Variants in MTURN observed in about 807,000 individuals in gnomAD.
The protein encoded by MTURN is maturin.
MTURN carries 7 observed loss-of-function variants against 14.9 expected under a neutral mutation model. That is an observed-to-expected ratio of 0.47 (90% confidence interval 0.27 to 0.88). MTURN has a LOEUF of 0.88. Among genes scored for constraint, MTURN ranks in the 40% least tolerant of loss-of-function variants. MTURN has a pLI of 0.14. For synonymous variants in MTURN, 69 were observed against 72.5 expected (o/e 0.95, Z 0.25); for missense variants, 151 against 174.1 (o/e 0.87, Z 0.75).
intron 1 of MTURN, among the ~76,000 whole-genome samples, chr7:30,139,704 AG>A (rs1410921449): frequency 1.3e-5 from 2 of 152,160 alleles, no homozygotes; most frequent in African/African-American, 4.8e-5. Context: ...CAGTAGTTCC[AG>A]GGGCCCATGT....
chr7:30,152,613 G>A (rs1797229176), intron 2 of MTURN, among the ~76,000 whole-genome samples: 1 of 152,178 alleles, frequency 6.6e-6, no homozygotes, highest in African/African-American at 2.4e-5. Flanking sequence ...TGAAGCCACA[G>A]GGCACTTGCT....
chr7:30,161,319 T>C lies in MTURN; in HGVS notation c.*3771T>C, dbSNP rs1230046850. 2 of 152,208 alleles carry C rather than the reference T, an allele frequency of 1.3e-5. No homozygotes were observed. Among genetic ancestry groups the C allele is most frequent in the Non-Finnish European group, 1.5e-5 (1 of 68,062 alleles). The allele number at this position is 152,208 out of a possible 1,614,324, so 9.4% of individuals were successfully genotyped here. The stretch of plus-strand genomic sequence containing the variant: ...CTGAGCCCCAGGAAAACTGTTTTCA[T>C]TTTCACGGCTGTCTCACTGGGGGCC... On this transcript the variant is annotated 3_prime_UTR_variant, in exon 3 of 3. Coordinates refer to ENST00000324453, the MANE Select transcript of MTURN (RefSeq NM_152793.3).
chr7:30,146,067 T>C (rs762079258), intron 1 of MTURN, 110 bp from the exon 2 acceptor site: 198 of 1,597,612 alleles, frequency 1.2e-4, no homozygotes, highest in Non-Finnish European at 1.6e-4. Flanking sequence ...AATGGAGGCC[T>C]TCTTCAAATT....
At position 30,158,602 on chromosome 7, in the gene MTURN, G is replaced by A. The variant is rs540951872; in HGVS notation, c.*1054G>A. ...GACTTAATTGTGGTGTATTTGTAAAGGGACACGAAGGTAGGAATCTTTTAA... is the reference window on the plus strand; with the variant it reads ...GACTTAATTGTGGTGTATTTGTAAAAGGACACGAAGGTAGGAATCTTTTAA... On this transcript the variant is annotated 3_prime_UTR_variant, in exon 3 of 3. Coordinates refer to ENST00000324453, the MANE Select transcript of MTURN (RefSeq NM_152793.3). 2 of 152,246 alleles carry A rather than the reference G, an allele frequency of 1.3e-5. No homozygotes were observed. Among genetic ancestry groups the A allele is most frequent in the African/African-American group, 4.8e-5 (2 of 41,536 alleles). 9.4% of individuals were successfully genotyped at this position (152,246 alleles called of 1,614,324 possible).
At position 30,145,521 on chromosome 7, in the gene MTURN, A is replaced by G. The variant is rs548425009; in HGVS notation, c.163-656A>G. Reference sequence around the variant, plus strand: ...AAAGAAAAAGAAAAAGAAACAAAAAATCTAAAACCGATCTCCTCTTAGTAT... The same window carrying G: ...AAAGAAAAAGAAAAAGAAACAAAAAGTCTAAAACCGATCTCCTCTTAGTAT... On this transcript the variant is annotated intron_variant, in intron 1 of 2. Transcript: ENST00000324453. 3.3e-5 allele frequency among the ~76,000 whole-genome samples: 5 copies of G among 152,248 alleles called. No individual in the cohort carries two copies. In the East Asian group the frequency reaches 9.7e-4, roughly 29 times the overall value.
chr7:30,140,496 T>C (rs1036085483), intron 1 of MTURN, among the ~76,000 whole-genome samples: 6 of 151,026 alleles, frequency 4.0e-5, no homozygotes, highest in African/African-American at 1.5e-4. Context: ...ATAAAGAAAA[T>C]AGAACTTATT....
At position 30,161,569 on chromosome 7, in the gene MTURN, A is replaced by T. The variant is rs1294848403; in HGVS notation, c.*4021A>T. ...CAGGCACCCGGCAGGTAAATCACAA[A>T]GCAAACTTGGGTGTCCTTGGCAGCG... On this transcript the variant is annotated 3_prime_UTR_variant, in exon 3 of 3. Transcript: ENST00000324453. 1 of 152,224 alleles carries T rather than the reference A, an allele frequency of 6.6e-6. No individual in the cohort carries two copies. Among genetic ancestry groups the T allele is most frequent in the East Asian group, 1.9e-4 (1 of 5,196 alleles). The allele number at this position is 152,224 out of a possible 1,614,324, so 9.4% of individuals were successfully genotyped here.
At chr7:30,151,908 T>G (rs753467593) in intron 2 of MTURN, among the ~76,000 whole-genome samples, 4 of 152,186 alleles carry the variant, frequency 2.6e-5, no homozygotes, top group Non-Finnish European at 4.4e-5. Context: ...ATTGATATTT[T>G]CAGTTTGCCA....
At position 30,157,610 on chromosome 7, in the gene MTURN, C is replaced by T; in HGVS notation, c.*62C>T. The T allele has an allele frequency of 1.6e-6, 2 of 1,287,250 alleles. No homozygotes were observed. Among genetic ancestry groups the T allele is most frequent in the Non-Finnish European group, 2.1e-6 (2 of 939,734 alleles). 79.7% of individuals were successfully genotyped at this position (1,287,250 alleles called of 1,614,324 possible). On this transcript the variant is annotated 3_prime_UTR_variant, in exon 3 of 3. Coordinates refer to ENST00000324453, the MANE Select transcript of MTURN (RefSeq NM_152793.3). ...CAGTAACCTAGGTGGGGTCACTGCC[C>T]CTCCTGGGTTAGCATTTTGCATTAG...
At chr7:30,138,838 G>A (rs1797006153) in intron 1 of MTURN, among the ~76,000 whole-genome samples, 2 of 152,124 alleles carry the variant, frequency 1.3e-5, no homozygotes, top group African/African-American at 4.8e-5. Flanking sequence ...GTCCTCAGAT[G>A]TGCCAAGCGC....
intron 1 of MTURN, among the ~76,000 whole-genome samples, chr7:30,143,074 T>C (rs957104758): frequency 6.6e-6 from 1 of 152,162 alleles, no homozygotes; most frequent in African/African-American, 2.4e-5. Flanking sequence ...TGCCCATAGA[T>C]GGTCTCTCCA....
At chr7:30,139,429 T>C (rs1797014778) in intron 1 of MTURN, among the ~76,000 whole-genome samples, 1 of 152,192 alleles carries the variant, frequency 6.6e-6, no homozygotes, top group Admixed American at 6.5e-5. Flanking sequence ...ACTTCAACTA[T>C]AGCCCTGTAT....
intron 1 of MTURN, among the ~76,000 whole-genome samples, chr7:30,139,486 C>T (rs1481876145): frequency 6.6e-6 from 1 of 152,164 alleles, no homozygotes; most frequent in Non-Finnish European, 1.5e-5. Flanking sequence ...CCAATCTAGA[C>T]TGGGTTCAGG....
intron 2 of MTURN, among the ~76,000 whole-genome samples, chr7:30,149,085 C>G (rs1013945951): frequency 3.3e-5 from 5 of 152,176 alleles, no homozygotes; most frequent in African/African-American, 1.2e-4. Flanking sequence ...CCGGGAGTCA[C>G]TGTGCTGTTT....
In MTURN at chr7:30,162,694, C is replaced by T. The variant is rs577934682; in HGVS notation, c.*5146C>T. Reference sequence around the variant, plus strand: ...TCCACCTCTGCTCCCTCCTCCCTCCCCTGAGAGTGAGGACCTCATCCGACC... The same window carrying T: ...TCCACCTCTGCTCCCTCCTCCCTCCTCTGAGAGTGAGGACCTCATCCGACC... On this transcript the variant is annotated 3_prime_UTR_variant, in exon 3 of 3. Transcript: ENST00000324453. 2.0e-5 allele frequency: 3 copies of T among 152,726 alleles called. No homozygotes were observed. In the South Asian group the frequency reaches 6.2e-4, roughly 32 times the overall value. The allele number at this position is 152,726 out of a possible 1,614,324, so 9.5% of individuals were successfully genotyped here. A position where few individuals can be genotyped will look rare whatever the true frequency, so the allele number is the denominator to read the frequency against.
chr7:30,135,603 G>A (rs1199133904), intron 1 of MTURN, among the ~76,000 whole-genome samples: 6 of 152,144 alleles, frequency 3.9e-5, no homozygotes, highest in Admixed American at 2.0e-4. Context: ...GCGCCGTTTC[G>A]GGAACCCGAC....
chr7:30,138,219 G>C (rs1796995864), intron 1 of MTURN, among the ~76,000 whole-genome samples: 1 of 152,088 alleles, frequency 6.6e-6, no homozygotes, highest in East Asian at 1.9e-4. Flanking sequence ...GGGTTCAAGT[G>C]ATTCTTGTGC....
Position 30,159,783 on chromosome 7 carries a change from T to TCCCTTCTCGTGCTCACACAC in MTURN, c.*2236_*2255dup. 6.5e-6 allele frequency: 1 copy of TCCCTTCTCGTGCTCACACAC among 152,734 alleles called. No individual in the cohort carries two copies. Among genetic ancestry groups the TCCCTTCTCGTGCTCACACAC allele is most frequent in the Non-Finnish European group, 1.5e-5 (1 of 68,038 alleles). The allele number at this position is 152,734 out of a possible 1,614,324, so 9.5% of individuals were successfully genotyped here. A position where few individuals can be genotyped will look rare whatever the true frequency, so the allele number is the denominator to read the frequency against. The stretch of plus-strand genomic sequence containing the variant: ...CTTCCTTTTTCTGAATGTGTGCACA[T>TCCCTTCTCGTGCTCACACAC]CCCTTCTCGTGCTCACACACTTGCC... On this transcript the variant is annotated 3_prime_UTR_variant, in exon 3 of 3. Transcript: ENST00000324453.
At chr7:30,147,598 G>A (rs1463593553) in intron 2 of MTURN, among the ~76,000 whole-genome samples, 1 of 151,376 alleles carries the variant, frequency 6.6e-6, no homozygotes, top group Non-Finnish European at 1.5e-5. Flanking sequence ...GTCAGCAAAT[G>A]CCCCCAGGAT....
Sources: gnomAD v4.1 joint callset for allele counts (sites outside exome capture counted in the v4.1 genomes callset) on GRCh38, gnomAD v4.1.1 for gene constraint, MANE v1.5 for transcripts, NCBI Gene and HGNC (gene_info 2026-07-23, HGNC 2026-07-21) for gene names.